MVB12B: variants seen among roughly 807,000 people sequenced by gnomAD.
MVB12B encodes the protein multivesicular body subunit 12B.
In MVB12B, 16 loss-of-function variants were observed where a neutral mutation model predicts 41.6. The ratio of observed to expected loss-of-function variants is 0.38; its 90% confidence interval spans 0.26 to 0.58. The LOEUF (loss-of-function observed/expected upper bound fraction) is 0.58. Ranked by LOEUF, MVB12B falls within the 20% of genes least tolerant of loss-of-function variation. MVB12B has a pLI of 0.62. For synonymous variants in MVB12B, 133 were observed against 139.7 expected (o/e 0.95, Z 0.34); for missense variants, 274 against 380.2 (o/e 0.72, Z 2.32).
intron 7 of MVB12B, among the ~76,000 whole-genome samples, chr9:126,462,006 C>G (rs1257645909): frequency 6.6e-6 from 1 of 152,228 alleles, no homozygotes; most frequent in Non-Finnish European, 1.5e-5. Context: ...GCTTTATGCT[C>G]CCATCACTCA....
intron 2 of MVB12B, among the ~76,000 whole-genome samples, chr9:126,352,499 G>C (rs1324985778): frequency 6.6e-6 from 1 of 152,088 alleles, no homozygotes; most frequent in Non-Finnish European, 1.5e-5. Context: ...TTGTTTGTTT[G>C]TTTCTTTGGT....
At chr9:126,500,208 C>CTGAAGGAGCAGAAGG (rs2119240329) in intron 9 of MVB12B, among the ~76,000 whole-genome samples, 1 of 151,622 alleles carries the variant, frequency 6.6e-6, no homozygotes, top group African/African-American at 2.4e-5. Flanking sequence ...GCAAGACCTA[C>CTGAAGGAGCAGAAGG]TGAAGGAGCA....
At chr9:126,352,503 C>G (rs1433515670) in intron 2 of MVB12B, among the ~76,000 whole-genome samples, 1 of 152,082 alleles carries the variant, frequency 6.6e-6, no homozygotes, top group East Asian at 1.9e-4. Context: ...TTGTTTGTTT[C>G]TTTGGTTTTT....
chr9:126,481,292 C>A, intron 7 of MVB12B, 77 bp from the exon 8 acceptor site: 2 of 1,210,810 alleles, frequency 1.7e-6, no homozygotes, highest in Non-Finnish European at 1.2e-6. Context: ...TTCTCTGTTT[C>A]GACATCTTCA....
intron 6 of MVB12B, among the ~76,000 whole-genome samples, chr9:126,413,908 C>T (rs575030895): frequency 1.3e-5 from 2 of 150,382 alleles, no homozygotes; most frequent in East Asian, 3.9e-4. Context: ...TGCGCCTCTG[C>T]CTTGCTAGTC....
intron 6 of MVB12B, among the ~76,000 whole-genome samples, chr9:126,398,492 C>G (rs928667293): frequency 3.3e-5 from 5 of 152,218 alleles, no homozygotes; most frequent in Admixed American, 2.6e-4. Flanking sequence ...ATATTTCCCT[C>G]AAGTCTTTTT....
chr9:126,440,263 C>A (rs1396194031), intron 7 of MVB12B, among the ~76,000 whole-genome samples: 4 of 152,186 alleles, frequency 2.6e-5, no homozygotes, highest in Non-Finnish European at 5.9e-5. Flanking sequence ...AAACTGTGCA[C>A]AGGACATGTG....
chr9:126,483,587 C>T (rs1197088922), intron 8 of MVB12B, among the ~76,000 whole-genome samples: 1 of 152,126 alleles, frequency 6.6e-6, no homozygotes, highest in Non-Finnish European at 1.5e-5. Context: ...TTGGGCACCT[C>T]CGGTTTATAG....
intron 1 of MVB12B, among the ~76,000 whole-genome samples, chr9:126,334,026 CAG>C (rs1041208767): frequency 6.6e-6 from 1 of 152,178 alleles, no homozygotes; most frequent in African/African-American, 2.4e-5. Context: ...ATCAGTATCT[CAG>C]GGGGTGGGGT....
intron 7 of MVB12B, among the ~76,000 whole-genome samples, chr9:126,423,436 G>A (rs1832081951): frequency 6.6e-6 from 1 of 152,202 alleles, no homozygotes; most frequent in South Asian, 2.1e-4. Context: ...TGTTGTCTGG[G>A]TTCATTTCAG....
intron 7 of MVB12B, among the ~76,000 whole-genome samples, chr9:126,430,716 C>T (rs1342075170): frequency 2.0e-5 from 3 of 151,690 alleles, no homozygotes; most frequent in Non-Finnish European, 4.4e-5. Flanking sequence ...CCTGATAGGG[C>T]ATTTGGGGTT....
chr9:126,366,391 A>T (rs535741933), intron 2 of MVB12B, among the ~76,000 whole-genome samples: 1 of 151,300 alleles, frequency 6.6e-6, no homozygotes, highest in East Asian at 2.0e-4. Context: ...CATGTTCATT[A>T]TGGACTATGT....
chr9:126,438,581 G>A (rs1401764402), intron 7 of MVB12B, among the ~76,000 whole-genome samples: 1 of 152,082 alleles, frequency 6.6e-6, no homozygotes, highest in Non-Finnish European at 1.5e-5. Flanking sequence ...TCTCTCTATG[G>A]CTCAGCTGCT....
intron 2 of MVB12B, among the ~76,000 whole-genome samples, chr9:126,363,726 AT>A (rs1830088676): frequency 6.6e-6 from 1 of 152,056 alleles, no homozygotes; most frequent in Non-Finnish European, 1.5e-5. Context: ...AGTTGTTTAG[AT>A]TTGCTCCTTC....
chr9:126,433,316 C>CTGATACACCAGGTATCCCCTT (rs539492012), intron 7 of MVB12B, among the ~76,000 whole-genome samples: 3 of 149,994 alleles, frequency 2.0e-5, no homozygotes, highest in South Asian at 2.1e-4. Flanking sequence ...GGTATCCCCT[C>CTGATACACCAGGTATCCCCTT]TGATACACCA....
intron 9 of MVB12B, among the ~76,000 whole-genome samples, chr9:126,490,721 T>C (rs1833714537): frequency 6.6e-6 from 1 of 152,222 alleles, no homozygotes. Flanking sequence ...AACCACTTAA[T>C]TGCCACAGGT....
Position 126,386,461 on chromosome 9 carries a change from C to A in MVB12B, c.313-101C>A. ...TAATTAACCTGCTGTCATAAAGCTG[C>A]ACGAGTCATTGTGTTAAATATGCAT... On this transcript the variant is annotated intron_variant, in intron 3 of 9. Transcript: ENST00000361171. The surrounding 1 kb of genome is among the most constrained non-coding windows in gnomAD (Gnocchi z 4.3). 1.3e-6 allele frequency: 1 copy of A among 742,346 alleles called. No individual in the cohort carries two copies. Among genetic ancestry groups the A allele is most frequent in the Non-Finnish European group, 2.4e-6 (1 of 423,068 alleles). The allele number at this position is 742,346 out of a possible 1,614,324, so 46.0% of individuals were successfully genotyped here.
intron 7 of MVB12B, 152 bp from the exon 8 acceptor site, chr9:126,481,217 C>T: frequency 2.8e-6 from 2 of 715,142 alleles, no homozygotes; most frequent in Non-Finnish European, 4.8e-6. Flanking sequence ...GGGACCTGTC[C>T]TCTTTCATAG....
At chr9:126,465,923 G>A (rs1330833816) in intron 7 of MVB12B, among the ~76,000 whole-genome samples, 2 of 152,128 alleles carry the variant, frequency 1.3e-5, no homozygotes, top group African/African-American at 4.8e-5. Flanking sequence ...TGAACCTAGG[G>A]CTGTCTGACA....
Sources: allele counts gnomAD v4.1 joint callset (sites outside exome capture counted in the v4.1 genomes callset), GRCh38; gene constraint gnomAD v4.1.1; non-coding constraint Gnocchi (gnomAD v3.1); transcripts MANE v1.5; gene names NCBI Gene and HGNC (gene_info 2026-07-23, HGNC 2026-07-21).